Variants in ARL15 observed in about 807,000 individuals in gnomAD.
ARL15 encodes ARF like GTPase 15.
In ARL15, 19 loss-of-function variants were observed where a neutral mutation model predicts 25.2. The observed-to-expected ratio is 0.75, with a 90% confidence interval of 0.53 to 1.10. The LOEUF (loss-of-function observed/expected upper bound fraction) is 1.10, where lower values mean the gene tolerates loss of function less well. Among genes scored for constraint, ARL15 ranks in the 50% least tolerant of loss-of-function variants. The probability of loss-of-function intolerance (pLI) is 0.00; values close to 1 mark genes in which losing one functional copy is unlikely to be tolerated. For missense variants in ARL15, 220 were observed against 246.0 expected (o/e 0.89, Z 0.71); for synonymous variants, 94 against 86.8 (o/e 1.08, Z -0.46).
At position 53,946,383 on chromosome 5, in the gene ARL15, G is replaced by A. The variant is rs569429889; in HGVS notation, c.463-59670C>T. Among the ~76,000 whole-genome samples, 21 of 146,888 alleles carry A rather than the reference G, an allele frequency of 1.4e-4. No homozygotes were observed. The South Asian group carries it at 2.7e-3, about 19-fold the overall frequency. ...GAGAACTGCTTGTACTTGGAAGGCG[G>A]AGGTTGCAGTGAGCTGAGATCACAC... On this transcript the variant is annotated intron_variant, in intron 4 of 4. Transcript: ENST00000504924.
intron 4 of ARL15, among the ~76,000 whole-genome samples, chr5:54,062,523 A>G (rs1359876197): frequency 2.0e-5 from 3 of 150,924 alleles, no homozygotes; most frequent in South Asian, 4.2e-4. Flanking sequence ...TAAGGAAAAA[A>G]AAAAAAAAAA....
chr5:54,215,689 A>G (rs1233149699), intron 1 of ARL15, among the ~76,000 whole-genome samples: 2 of 146,560 alleles, frequency 1.4e-5, no homozygotes, highest in Admixed American at 7.0e-5. Flanking sequence ...TAGGCCACCC[A>G]TTGTATTGGA....
intron 1 of ARL15, among the ~76,000 whole-genome samples, chr5:54,191,695 T>A (rs1755405018): frequency 6.6e-6 from 1 of 152,130 alleles, no homozygotes; most frequent in Non-Finnish European, 1.5e-5. Flanking sequence ...TCAATATATA[T>A]ACAGACTCCA....
intron 3 of ARL15, among the ~76,000 whole-genome samples, chr5:54,153,809 C>A (rs1469229340): frequency 6.6e-6 from 1 of 151,968 alleles, no homozygotes; most frequent in African/African-American, 2.4e-5. Context: ...GTTAGAATGA[C>A]CTTAAGGGAA....
rs1458265343 is a variant in ARL15, at chr5:54,000,766, A to G, written c.462+112436T>C. 1.4e-4 allele frequency among the ~76,000 whole-genome samples: 21 copies of G among 152,164 alleles called. 1 individual carries two copies. Among genetic ancestry groups the G allele is most frequent in the Admixed American group, 1.4e-3 (21 of 15,284 alleles). ...AACATATACCTAACAAAACATATCC[A>G]TTTTGATCTGTACAAACTTGTTCAA... is the stretch of plus-strand genomic sequence containing the variant. On this transcript the variant is annotated intron_variant, in intron 4 of 4. Coordinates refer to ENST00000504924, the MANE Select transcript of ARL15 (RefSeq NM_019087.3).
At chr5:54,092,835 C>G (rs1436904848) in intron 4 of ARL15, among the ~76,000 whole-genome samples, 1 of 152,148 alleles carries the variant, frequency 6.6e-6, no homozygotes, top group East Asian at 1.9e-4. Context: ...TACTAATTTT[C>G]AAACTTAGAT....
chr5:53,987,021 T>G (rs2407163), intron 4 of ARL15, among the ~76,000 whole-genome samples: 50,731 of 151,950 alleles, frequency 0.33, 9,091 homozygotes, highest in African/African-American at 0.45. Flanking sequence ...AATGGCCAAG[T>G]CTTCAATGAC....
chr5:54,233,009 A>G (rs999481910), intron 1 of ARL15, among the ~76,000 whole-genome samples: 1 of 152,222 alleles, frequency 6.6e-6, no homozygotes, highest in Admixed American at 6.5e-5. Flanking sequence ...TTGTGTTTGC[A>G]TTAACATTGA....
rs140857484 is a variant in ARL15 at position 54,214,356 on chromosome 5, T to C, written c.49-42428A>G. 3.0e-4 allele frequency among the ~76,000 whole-genome samples: 46 copies of C among 152,306 alleles called. 1 individual carries two copies. In the East Asian group the frequency reaches 7.5e-3, roughly 25 times the overall value. ...CTCAATCCTGACATACCAAAGGGGT[T>C]AGCAGGAGTTTCCCCAAATGCCCAT... On this transcript the variant is annotated intron_variant, in intron 1 of 4. Coordinates refer to ENST00000504924, the MANE Select transcript of ARL15 (RefSeq NM_019087.3).
chr5:54,048,367 A>T (rs1750592139), intron 4 of ARL15: 1 of 145,644 alleles, frequency 6.9e-6, no homozygotes. Context: ...AAAATTTTGT[A>T]TATTTATAAA....
intron 1 of ARL15, among the ~76,000 whole-genome samples, chr5:54,298,491 TACTGCACCAGC>T (rs1309069011): frequency 6.6e-6 from 1 of 152,182 alleles, no homozygotes; most frequent in Non-Finnish European, 1.5e-5. Flanking sequence ...CCTCACGTTC[TACTGCACCAGC>T]ACTGCGCCAT....
intron 1 of ARL15, among the ~76,000 whole-genome samples, chr5:54,251,430 T>G (rs1259235319): frequency 6.6e-6 from 1 of 152,210 alleles, no homozygotes; most frequent in East Asian, 1.9e-4. Context: ...AATATTAGCA[T>G]TAGTCAACAG....
At chr5:54,187,720 T>C (rs899714857) in intron 1 of ARL15, among the ~76,000 whole-genome samples, 3 of 152,224 alleles carry the variant, frequency 2.0e-5, no homozygotes, top group African/African-American at 7.2e-5. Context: ...ACTGATACAT[T>C]ATTACATGTA....
intron 1 of ARL15, among the ~76,000 whole-genome samples, chr5:54,192,241 T>G (rs375720988): frequency 2.0e-5 from 3 of 150,802 alleles, no homozygotes; most frequent in South Asian, 4.2e-4. Context: ...ACTGCACATG[T>G]ACCCTAAAAC....
At chr5:53,994,405 A>C (rs1453090664) in intron 4 of ARL15, among the ~76,000 whole-genome samples, 1 of 152,216 alleles carries the variant, frequency 6.6e-6, no homozygotes, top group East Asian at 1.9e-4. Flanking sequence ...GACCACCCAA[A>C]TGTATTATTA....
intron 1 of ARL15, among the ~76,000 whole-genome samples, chr5:54,289,781 T>C (rs1758279206): frequency 1.3e-5 from 2 of 152,226 alleles, no homozygotes; most frequent in Admixed American, 6.5e-5. Flanking sequence ...ACTAAGAGGA[T>C]TCAATGAGTT....
chr5:54,054,162 G>A (rs528138906), intron 4 of ARL15, among the ~76,000 whole-genome samples: 2 of 151,900 alleles, frequency 1.3e-5, no homozygotes, highest in South Asian at 2.1e-4. Context: ...CCTTACTTCC[G>A]GTACCTCGCC....
intron 1 of ARL15, among the ~76,000 whole-genome samples, chr5:54,237,275 T>C (rs967223922): frequency 1.3e-5 from 2 of 152,238 alleles, no homozygotes; most frequent in Non-Finnish European, 2.9e-5. Context: ...CATTCTGCCA[T>C]GATTGTAAGT....
At chr5:54,297,785 T>A (rs1758504231) in intron 1 of ARL15, among the ~76,000 whole-genome samples, 1 of 152,146 alleles carries the variant, frequency 6.6e-6, no homozygotes, top group Admixed American at 6.5e-5. Context: ...TTCCATCTTC[T>A]ACTTTCTTTT....
Sources: gnomAD v4.1 joint callset for allele counts (sites outside exome capture counted in the v4.1 genomes callset) on GRCh38, gnomAD v4.1.1 for gene constraint, MANE v1.5 for transcripts, NCBI Gene and HGNC (gene_info 2026-07-23, HGNC 2026-07-21) for gene names.